Variants in GRIK1 observed in about 807,000 individuals in gnomAD.
The protein encoded by GRIK1 is glutamate ionotropic receptor kainate type subunit 1.
GRIK1 carries 69 observed loss-of-function variants against 105.7 expected under a neutral mutation model. The ratio of observed to expected loss-of-function variants is 0.65; its 90% confidence interval spans 0.54 to 0.80. The LOEUF (loss-of-function observed/expected upper bound fraction) is 0.80, where lower values mean the gene tolerates loss of function less well. GRIK1 is among the 30% of genes least tolerant of loss of function. The pLI is 0.00. For missense variants in GRIK1, 1,109 were observed against 1,167.3 expected (o/e 0.95, Z 0.73); for synonymous variants, 438 against 431.3 (o/e 1.02, Z -0.19).
At chr21:29,774,939 C>T (rs1055464081) in intron 1 of GRIK1, among the ~76,000 whole-genome samples, 3 of 152,256 alleles carry the variant, frequency 2.0e-5, no homozygotes, top group Non-Finnish European at 4.4e-5. Context: ...TCACTTTGCA[C>T]TGGGCCTCTG....
chr21:29,895,272 T>A (rs1234567153), intron 1 of GRIK1, among the ~76,000 whole-genome samples: 3 of 152,114 alleles, frequency 2.0e-5, no homozygotes, highest in Non-Finnish European at 4.4e-5. Flanking sequence ...AGAATGAGTG[T>A]ATTTCTGGGC....
chr21:29,706,921 G>A (rs2146792480), intron 1 of GRIK1, among the ~76,000 whole-genome samples: 1 of 152,232 alleles, frequency 6.6e-6, no homozygotes, highest in Admixed American at 6.5e-5. Flanking sequence ...CTGGAGTGCA[G>A]TGGTGAGATC....
intron 1 of GRIK1, among the ~76,000 whole-genome samples, chr21:29,875,982 C>T (rs551364241): frequency 3.3e-5 from 5 of 152,266 alleles, no homozygotes; most frequent in Admixed American, 2.6e-4. Flanking sequence ...AATGCAAGCA[C>T]GTGAGCTCCC....
chr21:29,765,589 G>A (rs1025982103), intron 1 of GRIK1, among the ~76,000 whole-genome samples: 1 of 152,058 alleles, frequency 6.6e-6, no homozygotes, highest in African/African-American at 2.4e-5. Flanking sequence ...AATAGTTACT[G>A]AGAGGGCCTT....
At chr21:29,725,798 A>G (rs2064442536) in intron 1 of GRIK1, among the ~76,000 whole-genome samples, 4 of 152,242 alleles carry the variant, frequency 2.6e-5, no homozygotes, top group Admixed American at 1.3e-4. Context: ...ACTTCAAAAT[A>G]AAATTACAGC....
At chr21:29,608,793 T>C (rs1436849866) in intron 7 of GRIK1, among the ~76,000 whole-genome samples, 3 of 152,152 alleles carry the variant, frequency 2.0e-5, no homozygotes, top group African/African-American at 7.2e-5. Context: ...TCTTAACCTA[T>C]TGGCACTTCA....
intron 1 of GRIK1, among the ~76,000 whole-genome samples, chr21:29,879,217 G>A (rs923797228): frequency 1.1e-4 from 16 of 152,106 alleles, no homozygotes; most frequent in Non-Finnish European, 2.4e-4. Context: ...CAATAGCGGG[G>A]AAGCTATTAG....
At chr21:29,854,658 C>A (rs2068409315) in intron 1 of GRIK1, among the ~76,000 whole-genome samples, 1 of 152,098 alleles carries the variant, frequency 6.6e-6, no homozygotes, top group Admixed American at 6.5e-5. Flanking sequence ...CAGGAAATAT[C>A]ATATATAAAA....
intron 1 of GRIK1, among the ~76,000 whole-genome samples, chr21:29,739,078 G>A (rs1484677124): frequency 1.3e-5 from 2 of 152,162 alleles, no homozygotes; most frequent in East Asian, 3.8e-4. Flanking sequence ...CCTAGTTGCT[G>A]CCTTCATGAA....
intron 1 of GRIK1, among the ~76,000 whole-genome samples, chr21:29,749,597 C>T (rs1310061157): frequency 6.6e-6 from 1 of 152,220 alleles, no homozygotes; most frequent in Non-Finnish European, 1.5e-5. Context: ...ATTTCTGCCA[C>T]ATTTGGGTCT....
At chr21:29,725,698 A>G (rs2146876610) in intron 1 of GRIK1, among the ~76,000 whole-genome samples, 1 of 152,348 alleles carries the variant, frequency 6.6e-6, no homozygotes, top group African/African-American at 2.4e-5. Flanking sequence ...ATAGCTTATA[A>G]TTATGAGAGT....
intron 1 of GRIK1, among the ~76,000 whole-genome samples, chr21:29,846,455 A>AAG (rs1251118465): frequency 2.9e-5 from 3 of 103,374 alleles, no homozygotes; most frequent in African/African-American, 4.4e-5. Context: ...GAAAGAAGGA[A>AAG]AGAGAGAGAG....
chr21:29,542,335 A>C (rs2089985421), intron 16 of GRIK1, among the ~76,000 whole-genome samples: 2 of 151,854 alleles, frequency 1.3e-5, no homozygotes, highest in Non-Finnish European at 2.9e-5. Context: ...CCTTTGAATT[A>C]ACCTCAAATG....
intron 9 of GRIK1, among the ~76,000 whole-genome samples, chr21:29,593,820 C>T (rs1486567922): frequency 6.6e-6 from 1 of 152,196 alleles, no homozygotes; most frequent in Non-Finnish European, 1.5e-5. Context: ...CAATATCACT[C>T]TCTTGTAAAA....
chr21:29,737,259 G>A (rs1253382817), intron 1 of GRIK1, among the ~76,000 whole-genome samples: 1 of 152,136 alleles, frequency 6.6e-6, no homozygotes, highest in Non-Finnish European at 1.5e-5. Context: ...ATTTCTGCTT[G>A]AAGCACAAAG....
chr21:29,628,309 A>T (rs1282721685), intron 7 of GRIK1, among the ~76,000 whole-genome samples: 10 of 152,240 alleles, frequency 6.6e-5, no homozygotes, highest in Non-Finnish European at 1.0e-4. Context: ...CTATTTCAGG[A>T]ACTGAAATGA....
At chr21:29,876,011 G>T (rs1214871106) in intron 1 of GRIK1, among the ~76,000 whole-genome samples, 4 of 152,094 alleles carry the variant, frequency 2.6e-5, no homozygotes, top group Non-Finnish European at 5.9e-5. Context: ...ATGAAATGGT[G>T]ATATAATTCT....
In GRIK1 at chr21:29,889,660, C is replaced by T. The variant is rs1217883966; in HGVS notation, c.118+49723G>A. Among the ~76,000 whole-genome samples, 5 of 152,160 alleles carry T rather than the reference C, an allele frequency of 3.3e-5. No individual in the cohort carries two copies. The East Asian group carries it at 5.8e-4, about 18-fold the overall frequency. On this transcript the variant is annotated intron_variant, in intron 1 of 17. Transcript: ENST00000327783. Reference sequence around the variant, plus strand: ...ACATTACAGGATCTAAATTACTGCCCAGTAAGGAAAATCATCTCATATTTT... The same window carrying T: ...ACATTACAGGATCTAAATTACTGCCTAGTAAGGAAAATCATCTCATATTTT...
intron 1 of GRIK1, among the ~76,000 whole-genome samples, chr21:29,781,366 A>G (rs2066093531): frequency 1.3e-5 from 2 of 152,072 alleles, no homozygotes; most frequent in Admixed American, 1.3e-4. Flanking sequence ...TTCCAGGAAC[A>G]AGGAGTTAAT....
Sources: allele counts gnomAD v4.1 joint callset (sites outside exome capture counted in the v4.1 genomes callset), GRCh38; gene constraint gnomAD v4.1.1; transcripts MANE v1.5; gene names NCBI Gene and HGNC (gene_info 2026-07-23, HGNC 2026-07-21).